The following SORCS2 variants were observed in gnomAD, a reference collection of about 807,000 sequenced individuals.
SORCS2 encodes the protein sortilin related VPS10 domain containing receptor 2.
A neutral mutation model predicts 141.6 loss-of-function variants in SORCS2; 100 were observed. That is an observed-to-expected ratio of 0.71 (90% confidence interval 0.60 to 0.83). SORCS2 has a LOEUF of 0.83. Ranked by LOEUF, SORCS2 falls within the 40% of genes least tolerant of loss-of-function variation. The pLI, the probability that SORCS2 is intolerant of heterozygous loss-of-function variation, is 0.00. For synonymous variants in SORCS2, 789 were observed against 676.9 expected (o/e 1.17, Z -2.57); for missense variants, 1,646 against 1,560.2 (o/e 1.05, Z -0.93).
At chr4:7,718,213 G>A (rs762082421) in intron 18 of SORCS2, 30 bp downstream of exon 18, 20 of 1,596,366 alleles carry the variant, frequency 1.3e-5, no homozygotes, top group Non-Finnish European at 1.6e-5. Flanking sequence ...CAGGCTCCTG[G>A]GACTGTCGGG....
chr4:7,561,708 C>A (rs1199585120), intron 3 of SORCS2, among the ~76,000 whole-genome samples: 1 of 152,126 alleles, frequency 6.6e-6, no homozygotes, highest in African/African-American at 2.4e-5. Context: ...ACCATCCATT[C>A]ATCTACCCAT....
intron 3 of SORCS2, among the ~76,000 whole-genome samples, chr4:7,576,435 A>T (rs1715756797): frequency 6.6e-6 from 1 of 152,258 alleles, no homozygotes; most frequent in Non-Finnish European, 1.5e-5. Flanking sequence ...ATAGGAAACG[A>T]CAAAGCAAGT....
intron 1 of SORCS2, among the ~76,000 whole-genome samples, chr4:7,327,451 C>T (rs1044005651): frequency 1.3e-5 from 2 of 152,216 alleles, no homozygotes; most frequent in Non-Finnish European, 2.9e-5. Flanking sequence ...ATGAGCTCAT[C>T]TTTATGTGGT....
intron 1 of SORCS2, among the ~76,000 whole-genome samples, chr4:7,229,453 G>A (rs1024274294): frequency 1.2e-4 from 18 of 152,330 alleles, no homozygotes; most frequent in Admixed American, 2.0e-4. Context: ...TCCAGAAAGA[G>A]AGCCTCTGTC....
At chr4:7,538,551 C>A (rs77351266) in intron 3 of SORCS2, among the ~76,000 whole-genome samples, 6,931 of 151,940 alleles carry the variant, frequency 0.046, 249 homozygotes, top group Non-Finnish European at 0.069. Context: ...GGGCATCTTA[C>A]TCCATTATAT....
At chr4:7,573,477 C>A (rs970188505) in intron 3 of SORCS2, among the ~76,000 whole-genome samples, 1 of 152,100 alleles carries the variant, frequency 6.6e-6, no homozygotes, top group Non-Finnish European at 1.5e-5. Flanking sequence ...AAATAGAGTT[C>A]TATTAGTTTC....
intron 2 of SORCS2, among the ~76,000 whole-genome samples, chr4:7,502,008 C>T (rs1437381284): frequency 1.3e-5 from 2 of 152,174 alleles, no homozygotes; most frequent in Non-Finnish European, 2.9e-5. Context: ...GTCGTGGTCC[C>T]GCCCCTACAG....
intron 2 of SORCS2, among the ~76,000 whole-genome samples, chr4:7,486,986 C>T (rs1181846222): frequency 6.6e-6 from 1 of 152,238 alleles, no homozygotes; most frequent in East Asian, 1.9e-4. Flanking sequence ...CTATTCAACC[C>T]TCTACCGACC....
chr4:7,207,525 C>A (rs931404775), intron 1 of SORCS2, among the ~76,000 whole-genome samples: 4 of 152,198 alleles, frequency 2.6e-5, no homozygotes, highest in African/African-American at 9.6e-5. Context: ...GGCCGGCTCC[C>A]CAGTCCTCCA....
intron 12 of SORCS2, among the ~76,000 whole-genome samples, chr4:7,699,544 C>T (rs1724925721): frequency 1.3e-5 from 2 of 152,114 alleles, no homozygotes; most frequent in South Asian, 4.2e-4. Flanking sequence ...AGCCCACTCT[C>T]CTCTCACTGC....
chr4:7,194,657 C>T (rs1727061212), intron 1 of SORCS2, among the ~76,000 whole-genome samples: 1 of 151,880 alleles, frequency 6.6e-6, no homozygotes, highest in South Asian at 2.1e-4. Flanking sequence ...TGGCAGGTGC[C>T]ACCTCCCTAG....
chr4:7,725,661 A>G (rs1727167529), intron 20 of SORCS2, among the ~76,000 whole-genome samples: 1 of 152,198 alleles, frequency 6.6e-6, no homozygotes, highest in African/African-American at 2.4e-5. Flanking sequence ...ACAGAAGAAG[A>G]GGTCAAGGGG....
intron 10 of SORCS2, 141 bp from the exon 11 acceptor site, chr4:7,689,345 C>A: frequency 1.4e-6 from 1 of 696,502 alleles, no homozygotes; most frequent in Non-Finnish European, 2.4e-6. Flanking sequence ...TGCTTCCCAT[C>A]CTCCATCCGT....
intron 1 of SORCS2, among the ~76,000 whole-genome samples, chr4:7,237,655 T>TAA (rs1712378770): frequency 6.6e-6 from 1 of 152,106 alleles, no homozygotes; most frequent in Non-Finnish European, 1.5e-5. Flanking sequence ...TGTCCTGAAA[T>TAA]GTTAAGTCTT....
chr4:7,686,859 G>A (rs952583027), intron 10 of SORCS2, among the ~76,000 whole-genome samples: 1 of 152,248 alleles, frequency 6.6e-6, no homozygotes, highest in African/African-American at 2.4e-5. Context: ...AGGCCGCAAG[G>A]CGAATGCAAA....
At chr4:7,562,077 CTT>C (rs768006121) in intron 3 of SORCS2, among the ~76,000 whole-genome samples, 28 of 152,212 alleles carry the variant, frequency 1.8e-4, no homozygotes, top group Non-Finnish European at 3.5e-4. Flanking sequence ...GAGTTGACAA[CTT>C]AGTATGGGGG....
chr4:7,617,270 C>T (rs139591503), intron 3 of SORCS2, among the ~76,000 whole-genome samples: 216 of 152,286 alleles, frequency 1.4e-3, no homozygotes, highest in African/African-American at 5.0e-3. Flanking sequence ...CACACCCACT[C>T]ACCCCATTAT....
In SORCS2 at chr4:7,718,152, A is replaced by G; in HGVS notation, c.2393A>G (p.Glu798Gly). The G allele has an allele frequency of 3.1e-6, 5 of 1,611,500 alleles. No homozygotes were observed. The highest frequency in any genetic ancestry group is 4.2e-6 in the Non-Finnish European group (5 of 1,179,276). ...GAGGCGGTGGCCGTGCGGCCTGGAG[A>G]GGACGTCCTGTTTGTGGTGCGGCAG... ...QGEAVAVRPG[E>G]DVLFVVRQEQ... The change falls in exon 18 of 27, where the codon GAG becomes GGG. Residue 798 changes from glutamate (E) to glycine (G), a missense_variant. Physicochemically the swap from Glu to Gly is moderately conservative, Grantham distance 98. Transcript: ENST00000507866.
At chr4:7,709,001 AG>A (rs1222170055) in intron 14 of SORCS2, among the ~76,000 whole-genome samples, 1 of 152,112 alleles carries the variant, frequency 6.6e-6, no homozygotes, top group Non-Finnish European at 1.5e-5. Flanking sequence ...GTGCCCCCGG[AG>A]GCCGTGGTCT....
Sources: allele counts gnomAD v4.1 joint callset (sites outside exome capture counted in the v4.1 genomes callset), GRCh38; gene constraint gnomAD v4.1.1; transcripts MANE v1.5; gene names NCBI Gene and HGNC (gene_info 2026-07-23, HGNC 2026-07-21).